Variants in TCF4 observed in about 807,000 individuals in gnomAD.
The protein encoded by TCF4 is SL3-3 enhancer factor 2.
In TCF4, 3 loss-of-function variants were observed where a neutral mutation model predicts 82.1. The ratio of observed to expected loss-of-function variants is 0.04; its 90% CI spans 0.02 to 0.09. TCF4 has a LOEUF of 0.09. TCF4 is among the 10% of genes least tolerant of loss of function. TCF4 has a pLI of 1.00. For synonymous variants in TCF4, 276 were observed against 309.6 expected (o/e 0.89, Z 1.14); for missense variants, 518 against 852.7 (o/e 0.61, Z 4.89).
At chr18:55,514,043 C>A (rs2096855198) in intron 3 of TCF4, among the ~76,000 whole-genome samples, 1 of 152,098 alleles carries the variant, frequency 6.6e-6, no homozygotes, top group Non-Finnish European at 1.5e-5. Flanking sequence ...ATTTGCTTTG[C>A]ATGTAAATTC....
intron 5 of TCF4, among the ~76,000 whole-genome samples, chr18:55,412,393 T>C (rs902640870): frequency 3.3e-5 from 5 of 151,872 alleles, no homozygotes; most frequent in Admixed American, 6.6e-5. Context: ...GCCAAATCGA[T>C]TCCCCTAATA....
intron 5 of TCF4, among the ~76,000 whole-genome samples, chr18:55,417,409 G>A (rs1323068644): frequency 1.3e-5 from 2 of 152,092 alleles, no homozygotes; most frequent in South Asian, 2.1e-4. Flanking sequence ...AGTGATCATT[G>A]GATTAGGGCA....
chr18:55,362,796 T>C (rs541467413), intron 6 of TCF4, among the ~76,000 whole-genome samples: 5 of 152,384 alleles, frequency 3.3e-5, no homozygotes. Context: ...ATTCTTATTA[T>C]GTTTTCTTAT....
upstream of TCF4, among the ~76,000 whole-genome samples, chr18:55,590,963 C>T (rs2097684313): frequency 6.6e-6 from 1 of 152,198 alleles, no homozygotes; most frequent in African/African-American, 2.4e-5. Context: ...AGTGACAGAG[C>T]CCACCTTTGA....
chr18:55,407,052 G>C (rs2094128213), intron 5 of TCF4, among the ~76,000 whole-genome samples: 1 of 151,648 alleles, frequency 6.6e-6, no homozygotes, highest in East Asian at 1.9e-4. Context: ...AGTAACATTT[G>C]TTGTATGCCC....
intron 3 of TCF4, among the ~76,000 whole-genome samples, chr18:55,501,949 T>C (rs2096706812): frequency 6.6e-6 from 1 of 151,984 alleles, no homozygotes; most frequent in African/African-American, 2.4e-5. Context: ...AGAGAAATGG[T>C]GATAGATAAG....
upstream of TCF4, chr18:55,588,244 A>AGGGGAGGGGACGGAGGGAAGG: frequency 1.3e-6 from 1 of 784,186 alleles, no homozygotes; most frequent in Non-Finnish European, 1.8e-6. Context: ...TTCTCCGGGG[A>AGGGGAGGGGACGGAGGGAAGG]GGGGAGGGGA....
At chr18:55,597,097 T>G (rs1429192868) in intron 2 of TCF4, among the ~76,000 whole-genome samples, 2 of 152,162 alleles carry the variant, frequency 1.3e-5, no homozygotes, top group Non-Finnish European at 2.9e-5. Flanking sequence ...TGCTTCCCCT[T>G]TGTCTGCTGT....
At chr18:55,370,420 AGACAGAT>A (rs1357027473) in intron 6 of TCF4, among the ~76,000 whole-genome samples, 1 of 146,058 alleles carries the variant, frequency 6.8e-6, no homozygotes, top group African/African-American at 2.6e-5. Context: ...GTAGATAGAT[AGACAGAT>A]GATAGATAGA....
intron 2 of TCF4, among the ~76,000 whole-genome samples, chr18:55,626,294 T>TA (rs2097726472): frequency 6.6e-6 from 1 of 152,208 alleles, no homozygotes; most frequent in Non-Finnish European, 1.5e-5. Context: ...ATCTTGAACT[T>TA]ACCTGGAGGT....
chr18:55,414,840 A>G (rs935792941), intron 5 of TCF4, among the ~76,000 whole-genome samples: 4 of 152,216 alleles, frequency 2.6e-5, no homozygotes, highest in Non-Finnish European at 5.9e-5. Context: ...TATTTTACTC[A>G]AACTACCATT....
Position 55,307,146 on chromosome 18 carries a change from A to AG in TCF4, c.550-27491dup, listed in dbSNP as rs542500826. 2.0e-3 allele frequency among the ~76,000 whole-genome samples: 295 copies of AG among 150,174 alleles called. 1 individual carries two copies. Among genetic ancestry groups the AG allele is most frequent in the African/African-American group, 7.2e-3 (286 of 39,484 alleles). On this transcript the variant is annotated intron_variant, in intron 8 of 19. Transcript: ENST00000354452. ...GATTTAAAAAAAGGCTTTTAGGAAG[A>AG]GGGAAAAAAATTATAAAGCAGCAAC...
intron 5 of TCF4, among the ~76,000 whole-genome samples, chr18:55,446,066 T>C (rs1206339328): frequency 2.0e-5 from 3 of 152,168 alleles, no homozygotes; most frequent in Admixed American, 6.5e-5. Context: ...ATTCTGGTAA[T>C]GTTTTTCCCC....
intron 15 of TCF4, among the ~76,000 whole-genome samples, chr18:55,235,893 C>T (rs532387941): frequency 6.6e-6 from 1 of 152,042 alleles, no homozygotes; most frequent in Non-Finnish European, 1.5e-5. Flanking sequence ...AAGGGTATTT[C>T]CAAAGAATGC....
intron 8 of TCF4, among the ~76,000 whole-genome samples, chr18:55,327,581 G>C (rs111346051): frequency 0.011 from 1,598 of 152,074 alleles, 35 homozygotes; most frequent in African/African-American, 0.036. Context: ...ACATTCAAAT[G>C]GTTTATCACA....
At chr18:55,374,869 T>C (rs1363162479) in intron 6 of TCF4, among the ~76,000 whole-genome samples, 1 of 99,726 alleles carries the variant, frequency 1.0e-5, no homozygotes, top group Non-Finnish European at 1.9e-5. Flanking sequence ...TGAGGCCCTG[T>C]CTAAAAAAAA....
At chr18:55,581,856 G>A (rs779836819) in intron 3 of TCF4, among the ~76,000 whole-genome samples, 1 of 152,002 alleles carries the variant, frequency 6.6e-6, no homozygotes, top group Non-Finnish European at 1.5e-5. Flanking sequence ...TCAAACACTC[G>A]TTCATTTGAC....
In TCF4 at chr18:55,404,339, T is replaced by C. The variant is rs557216506; in HGVS notation, c.305-821A>G. On this transcript the variant is annotated intron_variant, in intron 5 of 19. Coordinates refer to ENST00000354452, the MANE Select transcript of TCF4 (RefSeq NM_001083962.2). ...CATTAGGGAGGATAATGAAATCACA[T>C]TACAAGAGATCTAAGCAGTAGAGTC... The C allele has an allele frequency of 1.9e-5, 3 of 154,708 alleles. No homozygotes were observed. In the South Asian group the frequency reaches 6.0e-4, roughly 31 times the overall value. 9.6% of individuals were successfully genotyped at this position (154,708 alleles called of 1,614,324 possible).
intron 8 of TCF4, chr18:55,321,479 G>T (rs1057189439): frequency 9.4e-6 from 8 of 848,676 alleles, no homozygotes; most frequent in Non-Finnish European, 1.5e-5. Context: ...GGAGTGGGGG[G>T]AAAAAAAGAC....
Sources: gnomAD v4.1 joint callset for allele counts (sites outside exome capture counted in the v4.1 genomes callset) on GRCh38, gnomAD v4.1.1 for gene constraint, MANE v1.5 for transcripts, NCBI Gene and HGNC (gene_info 2026-07-23, HGNC 2026-07-21) for gene names.